TATDN3: variants seen among roughly 807,000 people sequenced by gnomAD.
The protein encoded by TATDN3 is TatD DNase domain containing 3, also known as deoxyribonuclease TATDN3.
Under a neutral mutation model 40.1 loss-of-function variants are expected in TATDN3, and 29 were observed. That is an observed-to-expected ratio of 0.72 (90% confidence interval 0.54 to 0.99). TATDN3 has a LOEUF of 0.99. Among genes scored for constraint, TATDN3 ranks in the 50% least tolerant of loss-of-function variants. TATDN3 has a pLI of 0.00. For missense variants in TATDN3, 309 were observed against 321.9 expected (o/e 0.96, Z 0.31); for synonymous variants, 105 against 117.0 (o/e 0.90, Z 0.66).
At chr1:212,799,012 T>C (rs1478356020) in intron 4 of TATDN3, among the ~76,000 whole-genome samples, 2 of 152,230 alleles carry the variant, frequency 1.3e-5, no homozygotes, top group Non-Finnish European at 2.9e-5. Flanking sequence ...ACCTGAATGC[T>C]ACAAAGGAAC....
chr1:212,792,573 T>C (rs946382219), intron 1 of TATDN3, among the ~76,000 whole-genome samples: 2 of 140,868 alleles, frequency 1.4e-5, no homozygotes, highest in Admixed American at 7.5e-5. Flanking sequence ...AGGTGGAGGT[T>C]GCAGTGAGCT....
intron 3 of TATDN3, 68 bp from the exon 4 acceptor site, chr1:212,797,044 T>A (rs1661813116): frequency 3.2e-6 from 4 of 1,246,976 alleles, no homozygotes; most frequent in Admixed American, 1.7e-5. Flanking sequence ...CCTCTACTTA[T>A]TCTTTAGAAT....
rs775613815 is a variant in TATDN3 at position 212,815,043 on chromosome 1, T to G, written c.712T>G (p.Ser238Ala). 2 of 1,613,860 alleles carry G rather than the reference T, an allele frequency of 1.2e-6. No homozygotes were observed. Among genetic ancestry groups the G allele is most frequent in the Non-Finnish European group, 8.5e-7 (1 of 1,179,952 alleles). ...GAATGAGCCCTGGAACATTTCTATT[T>G]CAGCAGAATATATTGCCCAGGTGAA... The part of the protein sequence containing the change: ...VRNEPWNISI[S>A]AEYIAQVKGI... Residue 238 changes from serine (S) to alanine (A), a missense_variant, in exon 10 of 10, where the codon TCA becomes GCA. Coordinates refer to ENST00000366974, the MANE Select transcript of TATDN3 (RefSeq NM_001042552.3).
At chr1:212,797,740 G>A (rs970622433) in intron 4 of TATDN3, 3 of 152,728 alleles carry the variant, frequency 2.0e-5, no homozygotes, top group South Asian at 2.1e-4. Context: ...TACTATTAGG[G>A]AACAGATTAG....
chr1:212,813,707 T>C (rs1056248883), intron 9 of TATDN3, among the ~76,000 whole-genome samples: 2 of 144,740 alleles, frequency 1.4e-5, no homozygotes, highest in African/African-American at 4.9e-5. Flanking sequence ...CTTGTTTTTG[T>C]TTTTGTTTTT....
intron 7 of TATDN3, among the ~76,000 whole-genome samples, chr1:212,805,578 G>C (rs1662411557): frequency 6.6e-6 from 1 of 152,088 alleles, no homozygotes; most frequent in Admixed American, 6.6e-5. Context: ...TTCTTAATCA[G>C]CTCAATCAGC....
chr1:212,806,934 T>TA (rs1662575725), intron 7 of TATDN3, among the ~76,000 whole-genome samples: 3 of 97,886 alleles, frequency 3.1e-5, no homozygotes, highest in African/African-American at 1.0e-4. Context: ...ATATATATAT[T>TA]TATTTATTTT....
intron 4 of TATDN3, among the ~76,000 whole-genome samples, chr1:212,800,714 C>T (rs1662118904): frequency 6.6e-6 from 1 of 151,948 alleles, no homozygotes; most frequent in Non-Finnish European, 1.5e-5. Context: ...TTTCTTCTTT[C>T]AGCAGCATGG....
At chr1:212,808,003 T>C (rs1662642251) in intron 8 of TATDN3, among the ~76,000 whole-genome samples, 155 bp downstream of exon 8, 1 of 152,078 alleles carries the variant, frequency 6.6e-6, no homozygotes, top group Non-Finnish European at 1.5e-5. Context: ...CAGAAATTGA[T>C]CAAAGACTTA....
chr1:212,811,405 A>G (rs1451278826), intron 8 of TATDN3, among the ~76,000 whole-genome samples: 1 of 151,478 alleles, frequency 6.6e-6, no homozygotes, highest in Non-Finnish European at 1.5e-5. Context: ...AGTGCTGGAC[A>G]GGTATGAGCC....
intron 8 of TATDN3, among the ~76,000 whole-genome samples, chr1:212,809,700 A>T (rs1170928877): frequency 6.7e-6 from 1 of 150,266 alleles, no homozygotes; most frequent in Non-Finnish European, 1.5e-5. Flanking sequence ...AAAAAAAAAG[A>T]AAAAAGAAAA....
intron 2 of TATDN3, among the ~76,000 whole-genome samples, chr1:212,795,636 C>T (rs2102430981): frequency 6.6e-6 from 1 of 152,184 alleles, no homozygotes; most frequent in South Asian, 2.1e-4. Context: ...TGGTGTCAAA[C>T]TTCTGAGCTC....
chr1:212,797,175 C>A lies in TATDN3; in HGVS notation c.237C>A (p.Asp79Glu). Residue 79 changes from aspartate to glutamate, a missense_variant, in exon 4 of 10, where the codon GAC (aspartate) becomes GAA (glutamate). Transcript: ENST00000366974. ...VHPVQGLPPEDQRSVTLKDLD... is the reference protein window; with the variant it reads ...VHPVQGLPPEEQRSVTLKDLD... Reference sequence around the variant, plus strand: ...CAGTTCAAGGACTTCCACCAGAAGACCAAAGAAGTGTCACACTAAAGGTAA... The same window carrying A: ...CAGTTCAAGGACTTCCACCAGAAGAACAAAGAAGTGTCACACTAAAGGTAA... The A allele has an allele frequency of 6.2e-7, 1 of 1,613,940 alleles. No individual in the cohort carries two copies. Among genetic ancestry groups the A allele is most frequent in the Non-Finnish European group, 8.5e-7 (1 of 1,179,908 alleles).
In TATDN3 at chr1:212,802,698, C is replaced by T; in HGVS notation, c.259-3C>T. On this transcript the variant is annotated splice_region_variant and splice_polypyrimidine_tract_variant and intron_variant, in intron 4 of 9. Coordinates refer to ENST00000366974, the MANE Select transcript of TATDN3 (RefSeq NM_001042552.3). ...TTTAACAATTTTACTTTTTTTCTCC[C>T]AGGATTTGGATGTAGCTTTGCCCAT... 6.2e-7 allele frequency: 1 copy of T among 1,609,630 alleles called. No individual in the cohort carries two copies. The highest frequency in any genetic ancestry group is 2.2e-5 in the East Asian group (1 of 44,798).
At chr1:212,805,606 G>A (rs760782946) in intron 7 of TATDN3, among the ~76,000 whole-genome samples, 1 of 152,018 alleles carries the variant, frequency 6.6e-6, no homozygotes, top group African/African-American at 2.4e-5. Flanking sequence ...TGGGGAAAAG[G>A]TTAAAAAAAA....
intron 1 of TATDN3, among the ~76,000 whole-genome samples, chr1:212,792,329 G>A (rs758969313): frequency 5.3e-5 from 8 of 152,056 alleles, no homozygotes; most frequent in Non-Finnish European, 7.4e-5. Flanking sequence ...AGCGGTCCTC[G>A]AAACGCGTTC....
chr1:212,797,285 C>T, intron 4 of TATDN3, 89 bp downstream of exon 4: 2 of 951,140 alleles, frequency 2.1e-6, no homozygotes, highest in Non-Finnish European at 3.2e-6. Context: ...AATTTATATT[C>T]TCAGGAAATA....
intron 7 of TATDN3, among the ~76,000 whole-genome samples, chr1:212,807,348 A>C (rs1007983922): frequency 1.3e-5 from 2 of 151,632 alleles, no homozygotes; most frequent in African/African-American, 4.9e-5. Flanking sequence ...GACATCTCAG[A>C]CTCAGGTGAT....
chr1:212,792,550 GC>G (rs1661402577), intron 1 of TATDN3, among the ~76,000 whole-genome samples: 1 of 149,248 alleles, frequency 6.7e-6, no homozygotes. Flanking sequence ...TGGGAGAATC[GC>G]TGGAGCCCAG....
Sources: gnomAD v4.1 joint callset for allele counts (sites outside exome capture counted in the v4.1 genomes callset) on GRCh38, gnomAD v4.1.1 for gene constraint, MANE v1.5 for transcripts, NCBI Gene and HGNC (gene_info 2026-07-23, HGNC 2026-07-21) for gene names.